CDH18: variants seen among roughly 807,000 people sequenced by gnomAD.
The protein encoded by CDH18 is cadherin 18.
A neutral mutation model predicts 67.9 loss-of-function variants in CDH18; 31 were observed. That is an observed-to-expected ratio of 0.46 (90% CI 0.34 to 0.62). CDH18 has a LOEUF of 0.62. Among genes scored for constraint, CDH18 ranks in the 20% least tolerant of loss-of-function variants. The pLI, the probability that CDH18 is intolerant of heterozygous loss-of-function variation, is 0.01. For synonymous variants in CDH18, 362 were observed against 347.2 expected (o/e 1.04, Z -0.48); for missense variants, 890 against 975.5 (o/e 0.91, Z 1.17).
At chr5:20,455,487 G>T (rs10805723) in intron 1 of CDH18, among the ~76,000 whole-genome samples, 2 of 151,728 alleles carry the variant, frequency 1.3e-5, no homozygotes, top group Non-Finnish European at 2.9e-5. Flanking sequence ...AATATTTAGA[G>T]AGCAACACAC....
At chr5:20,487,381 T>C (rs1753267431) in intron 1 of CDH18, among the ~76,000 whole-genome samples, 1 of 149,714 alleles carries the variant, frequency 6.7e-6, no homozygotes, top group African/African-American at 2.4e-5. Flanking sequence ...CCTATATATG[T>C]ATAAACCTAT....
intron 5 of CDH18, among the ~76,000 whole-genome samples, chr5:19,647,527 CAAAAAAAAAAAAAAAAAAAAA>C (rs3062888): frequency 3.5e-4 from 10 of 28,800 alleles, no homozygotes; most frequent in African/African-American, 1.3e-3. Flanking sequence ...GAGACTCCAT[CAAAAAAAAAAAAAAAAAAAAA>C]AAAAAAAAAA....
chr5:19,500,232 T>C (rs566393301), intron 11 of CDH18, among the ~76,000 whole-genome samples: 2 of 152,316 alleles, frequency 1.3e-5, no homozygotes, highest in Admixed American at 6.5e-5. Flanking sequence ...AATATATGTA[T>C]GTAAGCATGT....
At chr5:20,242,596 G>GAA (rs376279568) in intron 2 of CDH18, among the ~76,000 whole-genome samples, 48 of 77,780 alleles carry the variant, frequency 6.2e-4, no homozygotes, top group Non-Finnish European at 8.6e-4. Context: ...TTCATTGAGG[G>GAA]AAAAAAAAAA....
At chr5:20,069,534 T>C (rs920602906) in intron 2 of CDH18, among the ~76,000 whole-genome samples, 1 of 151,896 alleles carries the variant, frequency 6.6e-6, no homozygotes, top group African/African-American at 2.4e-5. Flanking sequence ...TGCCTCAGCC[T>C]CCCGAGTAGC....
chr5:19,820,892 T>C (rs1779802235), intron 3 of CDH18, among the ~76,000 whole-genome samples: 1 of 151,860 alleles, frequency 6.6e-6, no homozygotes, highest in Admixed American at 6.6e-5. Flanking sequence ...CCATAATACA[T>C]AACATTCATC....
rs1770580628 is a variant in CDH18, at chr5:19,749,683, A to AAT, written c.229-2449_229-2448dup. 2.6e-5 allele frequency among the ~76,000 whole-genome samples: 4 copies of AAT among 150,972 alleles called. 1 individual carries two copies. The highest frequency in any genetic ancestry group is 9.7e-5 in the African/African-American group (4 of 41,358). ...TACAGCATCTATTAAGCATCTATTA[A>AAT]ATATATATACTATACACTATATAGA... On this transcript the variant is annotated intron_variant, in intron 3 of 12. Transcript: ENST00000382275.
chr5:20,157,697 C>T (rs1751642343), intron 2 of CDH18, among the ~76,000 whole-genome samples: 1 of 150,652 alleles, frequency 6.6e-6, no homozygotes, highest in African/African-American at 2.4e-5. Flanking sequence ...GGCTGGAGTG[C>T]AATGGCATGA....
At chr5:19,939,957 A>C (rs1794657090) in intron 2 of CDH18, among the ~76,000 whole-genome samples, 1 of 151,740 alleles carries the variant, frequency 6.6e-6, no homozygotes, top group Non-Finnish European at 1.5e-5. Context: ...TATGTGACTT[A>C]CTCTAGTTGT....
intron 5 of CDH18, among the ~76,000 whole-genome samples, chr5:19,714,844 A>G (rs1191007116): frequency 6.6e-6 from 1 of 152,004 alleles, no homozygotes; most frequent in Non-Finnish European, 1.5e-5. Context: ...TCTATGAATG[A>G]TAAGTGAGGA....
chr5:20,391,687 C>T (rs548705299), intron 1 of CDH18, among the ~76,000 whole-genome samples: 3 of 152,066 alleles, frequency 2.0e-5, no homozygotes, highest in African/African-American at 7.2e-5. Context: ...AATTTAAATA[C>T]ATCACGTTAA....
At chr5:20,089,434 T>G (rs1424952055) in intron 2 of CDH18, among the ~76,000 whole-genome samples, 1 of 152,174 alleles carries the variant, frequency 6.6e-6, no homozygotes, top group Non-Finnish European at 1.5e-5. Flanking sequence ...TCTACCCAGT[T>G]TGGTTCCTAT....
chr5:19,782,317 G>A (rs1775210450), intron 3 of CDH18, among the ~76,000 whole-genome samples: 1 of 152,188 alleles, frequency 6.6e-6, no homozygotes, highest in Admixed American at 6.5e-5. Flanking sequence ...ATCATGAGGG[G>A]AGCATGGGAG....
chr5:20,085,527 C>G (rs1408023585), intron 2 of CDH18, among the ~76,000 whole-genome samples: 1 of 152,156 alleles, frequency 6.6e-6, no homozygotes, highest in Non-Finnish European at 1.5e-5. Flanking sequence ...ATGCCCCGCT[C>G]TACTGGTACC....
intron 2 of CDH18, among the ~76,000 whole-genome samples, chr5:19,852,459 G>A (rs1198229192): frequency 6.6e-6 from 1 of 151,956 alleles, no homozygotes; most frequent in Non-Finnish European, 1.5e-5. Context: ...CCAGACATTT[G>A]TGAAGCATTC....
chr5:19,831,609 C>T lies in CDH18; in HGVS notation c.228+7150G>A, dbSNP rs191148633. ...TTAAAAAGTTAAAAAATAATAGATG[C>T]TAGCAGGACTGTGGAGAAAAGGGAA... On this transcript the variant is annotated intron_variant, in intron 3 of 12. Transcript: ENST00000382275. Among the ~76,000 whole-genome samples, 27 of 152,044 alleles carry T rather than the reference C, an allele frequency of 1.8e-4. No individual in the cohort carries two copies. In the East Asian group the frequency reaches 5.0e-3, roughly 28 times the overall value.
At chr5:19,610,035 A>C (rs548031643) in intron 6 of CDH18, among the ~76,000 whole-genome samples, 5 of 152,264 alleles carry the variant, frequency 3.3e-5, no homozygotes, top group Middle Eastern at 3.4e-3. Context: ...GGTGACACCA[A>C]ACTGTTGCAA....
chr5:19,806,325 C>T lies in CDH18; in HGVS notation c.228+32434G>A, dbSNP rs573215709. On this transcript the variant is annotated intron_variant, in intron 3 of 12. Coordinates refer to ENST00000382275, the MANE Select transcript of CDH18 (RefSeq NM_004934.5). ...TTATTTCTTCACAAAACTGCCTCTG[C>T]TTCTTGTCTTAATTTCACTAATCAT... 2.0e-5 allele frequency among the ~76,000 whole-genome samples: 3 copies of T among 152,324 alleles called. No homozygotes were observed. The East Asian group carries it at 5.8e-4, about 29-fold the overall frequency.
At chr5:19,626,604 G>A (rs1751591973) in intron 5 of CDH18, among the ~76,000 whole-genome samples, 2 of 152,002 alleles carry the variant, frequency 1.3e-5, no homozygotes, top group East Asian at 1.9e-4. Context: ...TCAGTTGGTA[G>A]CTATAGAGTG....
Sources: gnomAD v4.1 joint callset for allele counts (sites outside exome capture counted in the v4.1 genomes callset) on GRCh38, gnomAD v4.1.1 for gene constraint, MANE v1.5 for transcripts, NCBI Gene and HGNC (gene_info 2026-07-23, HGNC 2026-07-21) for gene names.